Variants in METTL15 observed in about 807,000 individuals in gnomAD.
The protein encoded by METTL15 is methyltransferase 15, mitochondrial 12S rRNA N4-cytidine.
In METTL15, 34 loss-of-function variants were observed where a neutral mutation model predicts 38.3. The observed-to-expected ratio is 0.89, with a 90% CI of 0.68 to 1.18. The LOEUF (loss-of-function observed/expected upper bound fraction) is 1.18, where lower values mean the gene tolerates loss of function less well. Among genes scored for constraint, METTL15 ranks in the 50% most tolerant of loss-of-function variants. The pLI is 0.00. For missense variants in METTL15, 438 were observed against 498.4 expected (o/e 0.88, Z 1.15); for synonymous variants, 162 against 170.9 (o/e 0.95, Z 0.41).
intron 5 of METTL15, among the ~76,000 whole-genome samples, chr11:28,373,602 G>T (rs934410708): frequency 6.6e-6 from 1 of 151,712 alleles, no homozygotes; most frequent in Non-Finnish European, 1.5e-5. Context: ...CTTTTGCTGT[G>T]CAGAAGCTCT....
intron 6 of METTL15, among the ~76,000 whole-genome samples, chr11:28,313,622 CTTTA>C (rs1287056296): frequency 2.6e-5 from 4 of 151,310 alleles, no homozygotes; most frequent in Admixed American, 1.3e-4. Context: ...AATTTTATCT[CTTTA>C]TTTATTCTCA....
chr11:28,214,541 G>A (rs548152254), intron 4 of METTL15, among the ~76,000 whole-genome samples: 40 of 152,240 alleles, frequency 2.6e-4, no homozygotes, highest in Non-Finnish European at 5.3e-4. Flanking sequence ...AGGTTGATAA[G>A]CATGACAATA....
chr11:28,289,684 G>A (rs1270256100), intron 4 of METTL15, among the ~76,000 whole-genome samples: 2 of 152,110 alleles, frequency 1.3e-5, no homozygotes, highest in Non-Finnish European at 2.9e-5. Flanking sequence ...ATTTATTTTA[G>A]TCATAGTTTC....
chr11:28,464,985 T>A (rs918077258), intron 6 of METTL15, among the ~76,000 whole-genome samples: 1 of 152,232 alleles, frequency 6.6e-6, no homozygotes, highest in Non-Finnish European at 1.5e-5. Flanking sequence ...TTGGAAGATC[T>A]GGTCACACTC....
intron 3 of METTL15, among the ~76,000 whole-genome samples, chr11:28,184,835 C>T (rs1851434434): frequency 6.6e-6 from 1 of 151,406 alleles, no homozygotes. Context: ...ATATTCTCTA[C>T]AGAGTAGGCC....
chr11:28,229,017 T>A (rs1853587954), intron 4 of METTL15, among the ~76,000 whole-genome samples: 1 of 151,874 alleles, frequency 6.6e-6, no homozygotes, highest in African/African-American at 2.4e-5. Context: ...GATTTTTAGG[T>A]CAATGACTTA....
chr11:28,518,196 G>A (rs1590401859), intron 6 of METTL15, among the ~76,000 whole-genome samples: 1 of 152,132 alleles, frequency 6.6e-6, no homozygotes, highest in Admixed American at 6.5e-5. Flanking sequence ...AAATTATCTA[G>A]GCAGTACAGG....
chr11:28,386,169 CAAAG>C (rs1281157378), intron 5 of METTL15, among the ~76,000 whole-genome samples: 4 of 151,648 alleles, frequency 2.6e-5, no homozygotes, highest in Non-Finnish European at 5.9e-5. Flanking sequence ...CAACAAAACA[CAAAG>C]AAAGGCAGTA....
At chr11:28,209,726 C>G (rs192024684) in intron 3 of METTL15, among the ~76,000 whole-genome samples, 1 of 151,818 alleles carries the variant, frequency 6.6e-6, no homozygotes, top group East Asian at 1.9e-4. Context: ...ATGGTAGATA[C>G]GAGCCAAAAA....
intron 3 of METTL15, chr11:28,122,202 A>G (rs989968478): frequency 1.6e-6 from 2 of 1,252,292 alleles, no homozygotes; most frequent in Non-Finnish European, 1.0e-6. Context: ...ATTTTTTTAA[A>G]ATGAGAATGT....
intron 3 of METTL15, among the ~76,000 whole-genome samples, chr11:28,174,742 G>A (rs1446548293): frequency 6.6e-6 from 1 of 151,362 alleles, no homozygotes; most frequent in Non-Finnish European, 1.5e-5. Context: ...ATGAAGCCGG[G>A]GGGCGGAGCT....
intron 6 of METTL15, among the ~76,000 whole-genome samples, chr11:28,310,350 G>T (rs936443638): frequency 1.6e-5 from 2 of 126,714 alleles, no homozygotes; most frequent in Non-Finnish European, 3.4e-5. Context: ...ATGTTCAGAG[G>T]TACACACACA....
chr11:28,216,601 G>T (rs1164567236), intron 4 of METTL15, among the ~76,000 whole-genome samples: 1 of 151,960 alleles, frequency 6.6e-6, no homozygotes, highest in African/African-American at 2.4e-5. Context: ...TAGGGTACAT[G>T]TGCACAACAT....
intron 5 of METTL15, among the ~76,000 whole-genome samples, chr11:28,396,029 T>A (rs1280702833): frequency 1.3e-5 from 2 of 152,272 alleles, no homozygotes; most frequent in South Asian, 4.1e-4. Flanking sequence ...AGAAAAGGCC[T>A]TTGACAAAAT....
At chr11:28,422,060 A>G (rs1850825424) in intron 5 of METTL15, among the ~76,000 whole-genome samples, 1 of 152,092 alleles carries the variant, frequency 6.6e-6, no homozygotes, top group African/African-American at 2.4e-5. Flanking sequence ...CAATCTGGAA[A>G]AGAAATCAAG....
chr11:28,464,776 G>T (rs1461393908), intron 6 of METTL15, among the ~76,000 whole-genome samples: 1 of 152,110 alleles, frequency 6.6e-6, no homozygotes, highest in Admixed American at 6.6e-5. Context: ...TCCCCTAAAG[G>T]CTCAGATCAC....
chr11:28,497,525 G>T (rs1851544796), intron 6 of METTL15, among the ~76,000 whole-genome samples: 1 of 152,166 alleles, frequency 6.6e-6, no homozygotes, highest in Non-Finnish European at 1.5e-5. Context: ...GAATGCAGGG[G>T]TGTCTTACTC....
intron 3 of METTL15, among the ~76,000 whole-genome samples, chr11:28,204,356 A>C (rs1852230275): frequency 1.3e-5 from 2 of 148,724 alleles, no homozygotes; most frequent in Non-Finnish European, 3.0e-5. Flanking sequence ...GGCGAGACCT[A>C]GTTTAGAATT....
intron 5 of METTL15, among the ~76,000 whole-genome samples, chr11:28,362,461 T>C (rs1850147963): frequency 6.6e-6 from 1 of 152,100 alleles, no homozygotes; most frequent in African/African-American, 2.4e-5. Context: ...ACCCAACAGG[T>C]GGTTCTTCAG....
Sources: gnomAD v4.1 joint callset for allele counts (sites outside exome capture counted in the v4.1 genomes callset) on GRCh38, gnomAD v4.1.1 for gene constraint, MANE v1.5 for transcripts, NCBI Gene and HGNC (gene_info 2026-07-23, HGNC 2026-07-21) for gene names.